HIVEP1: variants seen among roughly 807,000 people sequenced by gnomAD.
HIVEP1 encodes HIVEP zinc finger 1.
Under a neutral mutation model 180.0 loss-of-function variants are expected in HIVEP1, and 36 were observed. The observed-to-expected ratio is 0.20, with a 90% CI of 0.15 to 0.26. The LOEUF is 0.26. Among genes scored for constraint, HIVEP1 ranks in the 10% least tolerant of loss-of-function variants. The probability of loss-of-function intolerance (pLI) is 1.00; values close to 1 mark genes in which losing one functional copy is unlikely to be tolerated. For synonymous variants in HIVEP1, 1,239 were observed against 1,239.0 expected (o/e 1.00, Z 0.00); for missense variants, 3,143 against 3,268.7 (o/e 0.96, Z 0.94).
intron 7 of HIVEP1, among the ~76,000 whole-genome samples, chr6:12,150,586 TA>T (rs1291758630): frequency 6.6e-6 from 1 of 152,206 alleles, no homozygotes; most frequent in Non-Finnish European, 1.5e-5. Flanking sequence ...TCGGGATTTT[TA>T]TAGAACACAT....
At chr6:12,209,428 G>A in the HIVEP1 span, among the ~76,000 whole-genome samples, 5 of 152,070 alleles carry the variant, frequency 3.3e-5, no homozygotes, top group East Asian at 3.9e-4. Context: ...ATGAGACTCC[G>A]TCTCAAAAAA....
rs778784883 is a variant in HIVEP1 at position 12,125,198 on chromosome 6, G to A, written c.5403G>A (p.Gln1801=). The change falls in exon 4 of 9, where the codon CAG becomes CAA. Residue 1801 remains glutamine (Q), a synonymous_variant. Transcript: ENST00000379388. ...SKQKKPILVR[Q]VCTTEPLDGV... Reference sequence around the variant, plus strand: ...AGAAGAAGCCTATTTTAGTGAGACAGGTTTGTACTACAGAGCCCCTGGACG... The same window carrying A: ...AGAAGAAGCCTATTTTAGTGAGACAAGTTTGTACTACAGAGCCCCTGGACG... 1.2e-6 allele frequency: 2 copies of A among 1,614,146 alleles called. No homozygotes were observed. The highest frequency in any genetic ancestry group is 3.3e-5 in the Admixed American group (2 of 60,022).
Position 12,130,951 on chromosome 6 carries a change from T to C in HIVEP1, c.6385+9T>C. 1 of 1,582,160 alleles carries C rather than the reference T, an allele frequency of 6.3e-7. No individual in the cohort carries two copies. The highest frequency in any genetic ancestry group is 8.6e-7 in the Non-Finnish European group (1 of 1,159,426). ...CTCCTTTAAGACTAAAGGTATGAGA[T>C]GCACATTGCTTCAAGGTCCTTTTAA... is the stretch of plus-strand genomic sequence containing the variant. On this transcript the variant is annotated intron_variant, in intron 6 of 8. Coordinates refer to ENST00000379388, the MANE Select transcript of HIVEP1 (RefSeq NM_002114.4).
At chr6:12,151,554 A>G (rs1002291305) in intron 7 of HIVEP1, among the ~76,000 whole-genome samples, 1 of 152,208 alleles carries the variant, frequency 6.6e-6, no homozygotes, top group African/African-American at 2.4e-5. Context: ...ATGCATTCTA[A>G]TCATATACAG....
intron 2 of HIVEP1, among the ~76,000 whole-genome samples, chr6:12,048,330 T>A (rs117124378): frequency 6.6e-6 from 1 of 152,202 alleles, no homozygotes; most frequent in East Asian, 1.9e-4. Flanking sequence ...AAAGAACATT[T>A]GCTTGAATAA....
intron 2 of HIVEP1, among the ~76,000 whole-genome samples, chr6:12,019,634 T>G (rs1768057076): frequency 6.6e-6 from 1 of 152,154 alleles, no homozygotes; most frequent in South Asian, 2.1e-4. Context: ...GGGGAAATAG[T>G]CTGAAATGTT....
intron 3 of HIVEP1, among the ~76,000 whole-genome samples, chr6:12,111,628 C>T (rs1015443135): frequency 2.6e-5 from 4 of 152,252 alleles, no homozygotes; most frequent in Admixed American, 2.0e-4. Flanking sequence ...CGGGAGCTCT[C>T]TTTCTCCGTC....
intron 2 of HIVEP1, among the ~76,000 whole-genome samples, chr6:12,057,687 A>C (rs1770967170): frequency 6.6e-6 from 1 of 152,208 alleles, no homozygotes; most frequent in African/African-American, 2.4e-5. Flanking sequence ...TATTCTAGTT[A>C]GTAGGCTCTT....
In HIVEP1 at chr6:12,161,597, C is replaced by T. The variant is rs781763256; in HGVS notation, c.6646C>T (p.Leu2216Phe). The T allele has an allele frequency of 6.2e-6, 10 of 1,614,158 alleles. No individual in the cohort carries two copies. The highest frequency in any genetic ancestry group is 1.7e-5 in the Admixed American group (1 of 60,032). ...TPSVTASPQH[L>F]PSRSSLQDPV... ...CTCAGTCACAGCTAGCCCGCAGCACCTTCCATCTAGAAGTAGCCTTCAGGA... is the reference window on the plus strand; with the variant it reads ...CTCAGTCACAGCTAGCCCGCAGCACTTTCCATCTAGAAGTAGCCTTCAGGA... Residue 2216 changes from leucine to phenylalanine, a missense_variant, in exon 8 of 9, where the codon CTT (leucine) becomes TTT (phenylalanine). Physicochemically the swap from Leu to Phe is conservative, Grantham distance 22. Transcript: ENST00000379388.
rs147718386 is a variant in HIVEP1, at chr6:12,034,635, A to G, written c.40+18967A>G. Among the ~76,000 whole-genome samples the G allele has an allele frequency of 3.3e-5, 5 of 152,342 alleles. No homozygotes were observed. The East Asian group carries it at 9.6e-4, about 29-fold the overall frequency. Reference sequence around the variant, plus strand: ...AAGGAGAACAGTGTTTTCTGATTCCATGTGAAAGCTACCCCCTCAACCCCA... The same window carrying G: ...AAGGAGAACAGTGTTTTCTGATTCCGTGTGAAAGCTACCCCCTCAACCCCA... On this transcript the variant is annotated intron_variant, in intron 2 of 8. Coordinates refer to ENST00000379388, the MANE Select transcript of HIVEP1 (RefSeq NM_002114.4).
intron 3 of HIVEP1, among the ~76,000 whole-genome samples, chr6:12,089,803 CTTA>C (rs1285651021): frequency 6.6e-6 from 1 of 151,890 alleles, no homozygotes; most frequent in Non-Finnish European, 1.5e-5. Context: ...TGTAAAATAT[CTTA>C]TTTTTTTGTG....
intron 4 of HIVEP1, among the ~76,000 whole-genome samples, chr6:12,126,604 T>C (rs1196638709): frequency 6.6e-6 from 1 of 152,234 alleles, no homozygotes; most frequent in East Asian, 1.9e-4. Context: ...CGACTCTGCA[T>C]ATTCAGAAGT....
At chr6:12,016,340 G>T (rs554480106) in intron 2 of HIVEP1, among the ~76,000 whole-genome samples, 5 of 152,130 alleles carry the variant, frequency 3.3e-5, no homozygotes, top group African/African-American at 9.7e-5. Flanking sequence ...TATCAATGGT[G>T]AATAGCAATT....
At chr6:12,023,905 A>G (rs1467485393) in intron 2 of HIVEP1, among the ~76,000 whole-genome samples, 2 of 152,220 alleles carry the variant, frequency 1.3e-5, no homozygotes, top group Non-Finnish European at 2.9e-5. Flanking sequence ...ATAGAAAAAC[A>G]TTTTTAAGCT....
rs768604622 is a variant in HIVEP1 at position 12,121,943 on chromosome 6, G to GTCAACA, written c.2149_2154dup (p.Ser717_Thr718dup). 6.2e-7 allele frequency: 1 copy of GTCAACA among 1,613,982 alleles called. No homozygotes were observed. The highest frequency in any genetic ancestry group is 1.3e-5 in the African/African-American group (1 of 74,902). On this transcript the variant is annotated inframe_insertion, in exon 4 of 9. Transcript: ENST00000379388. The surrounding 1 kb of genome is among the most constrained non-coding windows in gnomAD (Gnocchi z 5.3). Reference sequence around the variant, plus strand: ...GACCCTCTGCAGCTCTTGTCACCACGTCAACACCCTCTGCTTTGCCCACAG... The same window carrying GTCAACA: ...GACCCTCTGCAGCTCTTGTCACCACGTCAACATCAACACCCTCTGCTTTGCCCACAG...
At chr6:12,022,653 G>A (rs1768316176) in intron 2 of HIVEP1, among the ~76,000 whole-genome samples, 1 of 152,180 alleles carries the variant, frequency 6.6e-6, no homozygotes, top group African/African-American at 2.4e-5. Context: ...CTGACACAGG[G>A]TACACGCTCA....
chr6:12,012,243 CCCCGCGCTCCCCCCCCCGCCCCCCGG>C (rs1037530136), upstream of HIVEP1: 3 of 139,300 alleles, frequency 2.2e-5, no homozygotes, highest in African/African-American at 7.9e-5. Context: ...CGCCCGCGCG[CCCCGCGCTCCCCCCCCCGCCCCCCGG>C]CCCGCTCCCC....
chr6:12,192,844 C>T, the HIVEP1 span, among the ~76,000 whole-genome samples: 1 of 150,922 alleles, frequency 6.6e-6, no homozygotes, highest in African/African-American at 2.5e-5. Flanking sequence ...TATTTTGAAA[C>T]ATACTTTTTT....
the HIVEP1 span, among the ~76,000 whole-genome samples, chr6:12,197,416 A>T: frequency 4.0e-5 from 6 of 151,752 alleles, no homozygotes; most frequent in Non-Finnish European, 8.8e-5. Context: ...AAAATTAGCC[A>T]GGTGTGGTGG....
Sources: allele counts gnomAD v4.1 joint callset (sites outside exome capture counted in the v4.1 genomes callset), GRCh38; gene constraint gnomAD v4.1.1; non-coding constraint Gnocchi (gnomAD v3.1); transcripts MANE v1.5; gene names NCBI Gene and HGNC (gene_info 2026-07-23, HGNC 2026-07-21).